The following PPEF1 variants were observed in gnomAD, a reference collection of about 807,000 sequenced individuals.
PPEF1 encodes the protein protein phosphatase with EF-hand domain 1, also known as serine/threonine-protein phosphatase with EF-hands 1.
PPEF1 carries 12 observed loss-of-function variants against 53.3 expected under a neutral mutation model. The ratio of observed to expected loss-of-function variants is 0.23; its 90% CI spans 0.14 to 0.36. The LOEUF is 0.36. PPEF1 is among the 10% of genes least tolerant of loss of function. The probability of loss-of-function intolerance (pLI) is 1.00; values close to 1 mark genes in which losing one functional copy is unlikely to be tolerated. For missense variants in PPEF1, 334 were observed against 490.4 expected, an observed-to-expected ratio of 0.68 and a Z score of 3.01; for synonymous variants, 165 against 176.7, an observed-to-expected ratio of 0.93 and a Z score of 0.52.
At chrX:18,741,772 C>CTTTTTTTTTTT (rs58971135) in intron 3 of PPEF1, among the ~76,000 whole-genome samples, 4 of 66,337 alleles carry the variant, frequency 6.0e-5, no homozygotes, top group African/African-American at 2.4e-4. Context: ...GCTGCTGCTT[C>CTTTTTTTTTTT]TTTTTTTTTT....
chrX:18,741,059 T>G (rs2045147968), intron 3 of PPEF1, among the ~76,000 whole-genome samples: 1 of 110,757 alleles, frequency 9.0e-6, no homozygotes, highest in Admixed American at 9.7e-5. Context: ...TAAGTGCATA[T>G]GTATGAAACT....
intron 5 of PPEF1, among the ~76,000 whole-genome samples, chrX:18,699,302 A>C (rs1243088976): frequency 9.0e-6 from 1 of 111,402 alleles, no homozygotes; most frequent in Non-Finnish European, 1.9e-5. Flanking sequence ...ATGGCAAACT[A>C]GGTAACCACT....
At chrX:18,817,360 G>A (rs2046941660) in intron 12 of PPEF1, among the ~76,000 whole-genome samples, 1 of 103,368 alleles carries the variant, frequency 9.7e-6, no homozygotes. Flanking sequence ...TTTTTTTTTT[G>A]AGACAGAGTC....
chrX:18,766,605 C>A (rs1329842949), intron 6 of PPEF1, among the ~76,000 whole-genome samples: 1 of 111,902 alleles, frequency 8.9e-6, no homozygotes, highest in Non-Finnish European at 1.9e-5. Flanking sequence ...GGCCTTAGGC[C>A]TCTTACTCAA....
intron 12 of PPEF1, among the ~76,000 whole-genome samples, chrX:18,813,378 CAAAAAAA>C (rs953412612): frequency 3.2e-5 from 1 of 30,816 alleles, no homozygotes; most frequent in Non-Finnish European, 6.5e-5. Flanking sequence ...GACTCCGTCT[CAAAAAAA>C]AAAAAAAAAA....
intron 10 of PPEF1, among the ~76,000 whole-genome samples, chrX:18,796,331 AG>A (rs2046433110): frequency 8.9e-6 from 1 of 112,799 alleles, no homozygotes; most frequent in African/African-American, 3.2e-5. Context: ...ACTTTTCTTC[AG>A]GTTTCCTGTT....
intron 1 of PPEF1, among the ~76,000 whole-genome samples, chrX:18,677,035 CTTTTTTT>C (rs763530257): frequency 1.6e-4 from 14 of 90,025 alleles, no homozygotes; most frequent in Admixed American, 1.4e-3. Context: ...TCATCACAAT[CTTTTTTT>C]TTTTTTTTTT....
chrX:18,740,622 G>A (rs1569253230), intron 3 of PPEF1, among the ~76,000 whole-genome samples: 2 of 110,161 alleles, frequency 1.8e-5, no homozygotes, highest in Non-Finnish European at 3.8e-5. Context: ...TGTTGACCAG[G>A]TTGGTCTTGA....
At chrX:18,709,337 CAT>C (rs2044269802) in intron 1 of PPEF1, among the ~76,000 whole-genome samples, 1 of 111,911 alleles carries the variant, frequency 8.9e-6, no homozygotes, top group African/African-American at 3.3e-5. Flanking sequence ...TAAATGGAGT[CAT>C]ATATTATGTG....
In PPEF1 at chrX:18,738,286, T is replaced by C. The variant is rs769463256; in HGVS notation, c.235+4478T>C. Among the ~76,000 whole-genome samples, 200 of 112,036 alleles carry C rather than the reference T, an allele frequency of 1.8e-3. 1 individual carries two copies. Among genetic ancestry groups the C allele is most frequent in the African/African-American group, 6.2e-3 (192 of 30,889 alleles). On this transcript the variant is annotated intron_variant, in intron 3 of 15. Transcript: ENST00000470157. The stretch of plus-strand genomic sequence containing the variant: ...ACCAGTTGTTCCTTTCCATGTTTAG[T>C]GCTTCCTTCAGGAGCTCTTGTAAGG...
At chrX:18,765,936 G>A (rs768971509) in intron 6 of PPEF1, among the ~76,000 whole-genome samples, 4 of 107,664 alleles carry the variant, frequency 3.7e-5, no homozygotes, top group Admixed American at 2.0e-4. Context: ...GTGGTGGTGC[G>A]TGCCTGTAGT....
chrX:18,677,327 C>T (rs112537446), intron 1 of PPEF1, among the ~76,000 whole-genome samples: 2,249 of 112,373 alleles, frequency 0.02, 65 homozygotes, highest in African/African-American at 0.069. Flanking sequence ...GCGTAAGCCA[C>T]CGCGCCCGGC....
chrX:18,827,712 C>G lies in PPEF1; in HGVS notation c.*225C>G, dbSNP rs1004916600. 2.7e-6 allele frequency: 1 copy of G among 368,123 alleles called. No homozygotes were observed. The highest frequency in any genetic ancestry group is 2.6e-5 in the African/African-American group (1 of 39,165). 30.3% of individuals were successfully genotyped at this position (368,123 alleles called of 1,213,427 possible). A position where few individuals can be genotyped will look rare whatever the true frequency, so the allele number is the denominator to read the frequency against. On this transcript the variant is annotated 3_prime_UTR_variant, in exon 16 of 16. Coordinates refer to ENST00000470157, the MANE Select transcript of PPEF1 (RefSeq NM_001377996.1). ...TAGGATTTGGTTTCAGCATTAGTAC[C>G]TACATATTGCCAGTGAGAAACTGGG... is the stretch of plus-strand genomic sequence containing the variant.
chrX:18,679,025 A>G (rs1427895060), upstream of PPEF1, among the ~76,000 whole-genome samples: 1 of 110,970 alleles, frequency 9.0e-6, no homozygotes, highest in Non-Finnish European at 1.9e-5. Context: ...GGCATCTCAC[A>G]TGTCTGTGTC....
chrX:18,679,063 C>T (rs777662671), upstream of PPEF1, among the ~76,000 whole-genome samples: 36 of 111,613 alleles, frequency 3.2e-4, 1 homozygote, highest in South Asian at 7.5e-4. Flanking sequence ...CCCCTAAATC[C>T]GCTTCTCTCT....
At chrX:18,757,444 C>A (rs1233797439) in intron 4 of PPEF1, among the ~76,000 whole-genome samples, 183 bp from the exon 5 acceptor site, 2 of 110,876 alleles carry the variant, frequency 1.8e-5, no homozygotes, top group Non-Finnish European at 3.8e-5. Context: ...TTACACACGT[C>A]GACTGAGGGC....
chrX:18,675,963 G>GC (rs1272329419), exon 1 of PPEF1: 2 of 90,178 alleles, frequency 2.2e-5, no homozygotes, highest in East Asian at 9.1e-4. Flanking sequence ...GGGCGGGGGG[G>GC]GGGGGGCATC....
chrX:18,676,674 C>T (rs1602329645), intron 1 of PPEF1, among the ~76,000 whole-genome samples: 1 of 111,836 alleles, frequency 8.9e-6, no homozygotes, highest in Middle Eastern at 4.6e-3. Context: ...GTTTCCAAAC[C>T]CCTAGCGGTC....
chrX:18,707,915 G>A (rs1023275612), intron 1 of PPEF1, 89 bp downstream of exon 1: 6 of 871,358 alleles, frequency 6.9e-6, no homozygotes, highest in Non-Finnish European at 5.0e-6. Context: ...TTACTCCCAC[G>A]ATGCTCAAGC....
Sources: allele counts gnomAD v4.1 joint callset (sites outside exome capture counted in the v4.1 genomes callset), GRCh38; gene constraint gnomAD v4.1.1; transcripts MANE v1.5; gene names NCBI Gene and HGNC (gene_info 2026-07-23, HGNC 2026-07-21).